Variants in RASGEF1C observed in about 807,000 individuals in gnomAD.
The protein encoded by RASGEF1C is ras-GEF domain-containing family member 1C.
A neutral mutation model predicts 58.1 loss-of-function variants in RASGEF1C; 27 were observed. That is an observed-to-expected ratio of 0.46 (90% CI 0.34 to 0.64). RASGEF1C has a LOEUF of 0.64. RASGEF1C is among the 30% of genes least tolerant of loss of function. The probability of loss-of-function intolerance (pLI) is 0.01; values close to 1 mark genes in which losing one functional copy is unlikely to be tolerated. For missense variants in RASGEF1C, 502 were observed against 605.1 expected (o/e 0.83, Z 1.79); for synonymous variants, 243 against 246.3 (o/e 0.99, Z 0.13).
At chr5:180,176,826 G>A (rs548158489) in intron 1 of RASGEF1C, among the ~76,000 whole-genome samples, 423 of 152,292 alleles carry the variant, frequency 2.8e-3, no homozygotes, top group African/African-American at 9.5e-3. Flanking sequence ...AAAGTGCTGG[G>A]ATTACAGGCG....
At chr5:180,113,339 G>T (rs1180169000) in intron 11 of RASGEF1C, among the ~76,000 whole-genome samples, 1 of 45,506 alleles carries the variant, frequency 2.2e-5, no homozygotes. Flanking sequence ...ATGGACGGAG[G>T]GACCGGGGAT....
At chr5:180,142,436 C>T (rs1250024043) in intron 1 of RASGEF1C, among the ~76,000 whole-genome samples, 2 of 152,120 alleles carry the variant, frequency 1.3e-5, no homozygotes, top group East Asian at 1.9e-4. Context: ...TGTTCTATAG[C>T]GTCCTTTCAT....
chr5:180,172,601 G>T (rs1767129379), intron 1 of RASGEF1C, among the ~76,000 whole-genome samples: 1 of 152,148 alleles, frequency 6.6e-6, no homozygotes, highest in African/African-American at 2.4e-5. Context: ...TCCAGCCCCA[G>T]CTGGCAAAGA....
At chr5:180,114,365 G>A (rs987839880) in intron 11 of RASGEF1C, 81 bp downstream of exon 11, 47 of 1,364,618 alleles carry the variant, frequency 3.4e-5, no homozygotes, top group Non-Finnish European at 4.0e-5. Context: ...CATGAGGCTG[G>A]GTGTCCAAGG....
chr5:180,128,633 C>G (rs765144955), intron 4 of RASGEF1C, 23 bp from the exon 5 acceptor site: 8 of 1,608,366 alleles, frequency 5.0e-6, no homozygotes, highest in Non-Finnish European at 5.1e-6. Context: ...AAGAAGGGCG[C>G]TCAGGACTGA....
chr5:180,106,630 T>G (rs1472996367), intron 12 of RASGEF1C, among the ~76,000 whole-genome samples: 2 of 152,242 alleles, frequency 1.3e-5, no homozygotes, highest in Non-Finnish European at 2.9e-5. Context: ...TTGAAGAACA[T>G]AGTGTGTTAT....
intron 4 of RASGEF1C, among the ~76,000 whole-genome samples, chr5:180,133,537 G>GT (rs1766405103): frequency 6.6e-6 from 1 of 152,230 alleles, no homozygotes; most frequent in Admixed American, 6.5e-5. Context: ...GAAAAGACCC[G>GT]TGCTCACCTC....
intron 12 of RASGEF1C, among the ~76,000 whole-genome samples, chr5:180,109,177 C>A (rs559257422): frequency 6.6e-6 from 1 of 152,180 alleles, no homozygotes; most frequent in Non-Finnish European, 1.5e-5. Context: ...GGTAGTAGGG[C>A]CAGGCGTGGT....
intron 1 of RASGEF1C, 78 bp from the exon 2 acceptor site, chr5:180,138,136 C>G (rs4700715): frequency 1.1e-6 from 1 of 890,752 alleles, no homozygotes. Context: ...GCTGCTGGTC[C>G]CGGGGCTCCT....
chr5:180,177,832 T>C lies in RASGEF1C; in HGVS notation c.-7+31196A>G, dbSNP rs370467375. On this transcript the variant is annotated intron_variant, in intron 1 of 13. Coordinates refer to ENST00000361132, the MANE Select transcript of RASGEF1C (RefSeq NM_175062.4). The surrounding 1 kb of genome is among the most constrained non-coding windows in gnomAD (Gnocchi z 5.0). ...GCCTCTCTCTCTGCTCAGGGCAAGGTAAGGACAGGAAGTAAGTATGGAGCT... is the reference window on the plus strand; with the variant it reads ...GCCTCTCTCTCTGCTCAGGGCAAGGCAAGGACAGGAAGTAAGTATGGAGCT... 8.2e-4 allele frequency among the ~76,000 whole-genome samples: 125 copies of C among 152,150 alleles called. 2 individuals are homozygous for C. In the South Asian group the frequency reaches 0.026, roughly 31 times the overall value.
At chr5:180,153,319 T>C (rs150352116) in intron 1 of RASGEF1C, among the ~76,000 whole-genome samples, 340 of 152,290 alleles carry the variant, frequency 2.2e-3, no homozygotes, top group African/African-American at 7.9e-3. Flanking sequence ...ACAGGCTGTG[T>C]GTAAGCTGTT....
rs932485725 is a variant in RASGEF1C, at chr5:180,155,582, C to T, written c.-6-17524G>A. On this transcript the variant is annotated intron_variant, in intron 1 of 13. Coordinates refer to ENST00000361132, the MANE Select transcript of RASGEF1C (RefSeq NM_175062.4). This position sits in a 1 kb window ranked among gnomAD's most constrained non-coding sequence, Gnocchi z 5.2. ...CTCTTGTTTCTGATTGCTCAGGGCC[C>T]GGCTTGCAGGCAATCTGTTGGATGC... is the stretch of plus-strand genomic sequence containing the variant. Among the ~76,000 whole-genome samples, 2 of 152,066 alleles carry T rather than the reference C, an allele frequency of 1.3e-5. No homozygotes were observed. Among genetic ancestry groups the T allele is most frequent in the South Asian group, 2.1e-4 (1 of 4,810 alleles).
intron 13 of RASGEF1C, among the ~76,000 whole-genome samples, 152 bp downstream of exon 13, chr5:180,101,918 GC>G (rs1480888327): frequency 5.3e-5 from 8 of 151,930 alleles, no homozygotes; most frequent in Non-Finnish European, 1.0e-4. Flanking sequence ...GGCTGCTGAG[GC>G]TCCCAGGAGG....
intron 1 of RASGEF1C, among the ~76,000 whole-genome samples, chr5:180,206,432 G>T (rs7707586): frequency 6.6e-6 from 1 of 152,034 alleles, no homozygotes; most frequent in Non-Finnish European, 1.5e-5. Context: ...CTGAAATACT[G>T]TTTCTCAGCT....
Position 180,101,434 on chromosome 5 carries a change from C to T in RASGEF1C, c.*67G>A. ...ACTCCCTGGCCTCTGCCCACTGGGC[C>T]ACTGAGGCAGGGCTGTGGACGGCTT... On this transcript the variant is annotated 3_prime_UTR_variant, in exon 14 of 14. Transcript: ENST00000361132. 1 of 1,590,738 alleles carries T rather than the reference C, an allele frequency of 6.3e-7. No individual in the cohort carries two copies.
chr5:180,181,986 G>A (rs1276820053), intron 1 of RASGEF1C, among the ~76,000 whole-genome samples: 3 of 151,702 alleles, frequency 2.0e-5, no homozygotes, highest in South Asian at 2.1e-4. Context: ...GGCGGATCAC[G>A]AGGTCAGGAG....
chr5:180,110,060 T>G (rs1161451127), intron 12 of RASGEF1C, among the ~76,000 whole-genome samples: 1 of 152,202 alleles, frequency 6.6e-6, no homozygotes, highest in Non-Finnish European at 1.5e-5. Context: ...CACGCACTAG[T>G]GTGGATTGAG....
At chr5:180,117,184 C>A (rs1766083903) in intron 10 of RASGEF1C, among the ~76,000 whole-genome samples, 1 of 152,212 alleles carries the variant, frequency 6.6e-6, no homozygotes, top group Non-Finnish European at 1.5e-5. Flanking sequence ...TGCAGCAGAC[C>A]CCTGCCTGGG....
At position 180,137,498 on chromosome 5, in the gene RASGEF1C, A is replaced by G; in HGVS notation, c.300+92T>C. ...GCCACCTTGTCAGGAAAACGGGGAC[A>G]ATCATTGCCTCCCCGAGAGGCTGAT... is the stretch of plus-strand genomic sequence containing the variant. On this transcript the variant is annotated intron_variant, in intron 3 of 13. Transcript: ENST00000361132. The surrounding 1 kb of genome is among the most constrained non-coding windows in gnomAD (Gnocchi z 4.1). 1 of 1,513,642 alleles carries G rather than the reference A, an allele frequency of 6.6e-7. No individual in the cohort carries two copies. Among genetic ancestry groups the G allele is most frequent in the Non-Finnish European group, 8.9e-7 (1 of 1,121,006 alleles). 93.8% of individuals were successfully genotyped at this position (1,513,642 alleles called of 1,614,324 possible).
Sources: gnomAD v4.1 joint callset for allele counts (sites outside exome capture counted in the v4.1 genomes callset) on GRCh38, gnomAD v4.1.1 for gene constraint, Gnocchi (gnomAD v3.1) non-coding constraint, MANE v1.5 for transcripts, NCBI Gene and HGNC (gene_info 2026-07-23, HGNC 2026-07-21) for gene names.